Variants in CSNK2A1 observed in about 807,000 individuals in gnomAD.
The protein encoded by CSNK2A1 is casein kinase II subunit alpha.
A neutral mutation model predicts 62.9 loss-of-function variants in CSNK2A1; 10 were observed. The ratio of observed to expected loss-of-function variants is 0.16; its 90% CI spans 0.10 to 0.27. CSNK2A1 has a LOEUF of 0.27. CSNK2A1 is among the 10% of genes least tolerant of loss of function. The pLI, the probability that CSNK2A1 is intolerant of heterozygous loss-of-function variation, is 1.00. For missense variants in CSNK2A1, 160 were observed against 492.0 expected (o/e 0.33, Z 6.38); for synonymous variants, 124 against 167.8 (o/e 0.74, Z 2.02).
intron 2 of CSNK2A1, among the ~76,000 whole-genome samples, chr20:523,560 A>G (rs2018993462): frequency 6.6e-6 from 1 of 152,210 alleles, no homozygotes; most frequent in Non-Finnish European, 1.5e-5. Flanking sequence ...ATATTACATA[A>G]TGTTTGATTT....
chr20:511,974 C>CAA (rs2018731309), intron 2 of CSNK2A1, among the ~76,000 whole-genome samples: 1 of 152,188 alleles, frequency 6.6e-6, no homozygotes, highest in Non-Finnish European at 1.5e-5. Flanking sequence ...TCCTATACAG[C>CAA]AACTGTATCA....
At chr20:508,985 T>C (rs1269751542) in intron 2 of CSNK2A1, among the ~76,000 whole-genome samples, 1 of 152,246 alleles carries the variant, frequency 6.6e-6, no homozygotes, top group East Asian at 1.9e-4. Flanking sequence ...CCACTAGTTA[T>C]ATATTCTACA....
Position 499,876 on chromosome 20 carries a change from C to A in CSNK2A1, c.272G>T (p.Gly91Val). 7 of 1,613,582 alleles carry A rather than the reference C, an allele frequency of 4.3e-6. No individual in the cohort carries two copies. The highest frequency in any genetic ancestry group is 5.9e-6 in the Non-Finnish European group (7 of 1,179,956). Residue 91 changes from glycine (G) to valine (V), a missense_variant, in exon 5 of 14, where the codon GGT becomes GTT. Coordinates refer to ENST00000217244, the MANE Select transcript of CSNK2A1 (RefSeq NM_177559.3). This position sits in a 1 kb window ranked among gnomAD's most constrained non-coding sequence, Gnocchi z 4.2. The part of the protein sequence containing the change: ...EIKILENLRG[G>V]PNIITLADIV... ...GTCTGCCAGTGTGATGATGTTGGGACCTCCTCTCAAATTCTCCAAAATCTT... is the reference window on the plus strand; with the variant it reads ...GTCTGCCAGTGTGATGATGTTGGGAACTCCTCTCAAATTCTCCAAAATCTT...
intron 7 of CSNK2A1, chr20:496,157 T>G (rs1393820942): frequency 4.8e-6 from 1 of 206,808 alleles, no homozygotes; most frequent in East Asian, 1.1e-4. Flanking sequence ...ACTACAAACC[T>G]CTTATTCTAA....
At chr20:518,878 G>C (rs1317223726) in intron 2 of CSNK2A1, among the ~76,000 whole-genome samples, 1 of 149,932 alleles carries the variant, frequency 6.7e-6, no homozygotes, top group Non-Finnish European at 1.5e-5. Flanking sequence ...TAAATACAAT[G>C]TCCTAGCAGA....
chr20:526,940 ACT>A (rs2019103074), intron 2 of CSNK2A1: 1 of 151,022 alleles, frequency 6.6e-6, no homozygotes, highest in Non-Finnish European at 1.5e-5. Context: ...CGACAGTGAG[ACT>A]CTGTCTCAAA....
At chr20:488,554 CACTGGACCACTGACATCCTGACA>C (rs2018150245) in intron 11 of CSNK2A1, 101 bp downstream of exon 11, 1 of 912,774 alleles carries the variant, frequency 1.1e-6, no homozygotes, top group African/African-American at 1.7e-5. Flanking sequence ...CATCCTGTGG[CACTGGACCACTGACATCCTGACA>C]GTGCTGGCAA....
chr20:489,369 G>C (rs1303187253), intron 10 of CSNK2A1: 1 of 223,634 alleles, frequency 4.5e-6, no homozygotes, highest in Non-Finnish European at 8.7e-6. Flanking sequence ...TCTTGTGAAT[G>C]AAAGAGCCCT....
intron 13 of CSNK2A1, among the ~76,000 whole-genome samples, chr20:485,091 AAAAAAAAAAAAAAAAAAAATATATAT>A (rs1191878840): frequency 2.7e-5 from 1 of 37,320 alleles, no homozygotes; most frequent in Non-Finnish European, 5.2e-5. Context: ...AAAAAAAAAA[AAAAAAAAAAAAAAAAAAAATATATAT>A]ATATATATAT....
chr20:492,454 A>C, intron 8 of CSNK2A1, 90 bp from the exon 9 acceptor site: 1 of 1,278,852 alleles, frequency 7.8e-7, no homozygotes, highest in Non-Finnish European at 1.1e-6. Context: ...TATACCAGAC[A>C]CGTCACTCTT....
intron 2 of CSNK2A1, among the ~76,000 whole-genome samples, chr20:521,511 T>G (rs2018946312): frequency 6.6e-6 from 1 of 152,028 alleles, no homozygotes; most frequent in Non-Finnish European, 1.5e-5. Context: ...TCTTATAGAG[T>G]TAAACATGTA....
intron 1 of CSNK2A1, among the ~76,000 whole-genome samples, chr20:543,419 G>T (rs1334524922): frequency 6.6e-6 from 1 of 151,584 alleles, no homozygotes; most frequent in East Asian, 1.9e-4. Context: ...CAATAAGCTG[G>T]ACTCCGGCAG....
At position 499,107 on chromosome 20, in the gene CSNK2A1, T is replaced by C. The variant is rs1034082247; in HGVS notation, c.366+148A>G. 4 of 518,752 alleles carry C rather than the reference T, an allele frequency of 7.7e-6. No individual in the cohort carries two copies. The highest frequency in any genetic ancestry group is 4.2e-5 in the Admixed American group (1 of 23,650). The allele number at this position is 518,752 out of a possible 1,614,324, so 32.1% of individuals were successfully genotyped here. On this transcript the variant is annotated intron_variant, in intron 6 of 13. Coordinates refer to ENST00000217244, the MANE Select transcript of CSNK2A1 (RefSeq NM_177559.3). This position sits in a 1 kb window ranked among gnomAD's most constrained non-coding sequence, Gnocchi z 4.2. ...ATGCAGAAAGTGGGCACTGCTTATATAGGAGTTCTTCTATCTTAAAATTTG... is the reference window on the plus strand; with the variant it reads ...ATGCAGAAAGTGGGCACTGCTTATACAGGAGTTCTTCTATCTTAAAATTTG...
At chr20:528,291 G>A (rs1360570700) in intron 1 of CSNK2A1, among the ~76,000 whole-genome samples, 1 of 152,200 alleles carries the variant, frequency 6.6e-6, no homozygotes, top group African/African-American at 2.4e-5. Context: ...ATCTCCGCAG[G>A]TGATCAATAA....
At chr20:512,870 G>GCA (rs986243995) in intron 2 of CSNK2A1, among the ~76,000 whole-genome samples, 142 of 152,040 alleles carry the variant, frequency 9.3e-4, no homozygotes, top group African/African-American at 3.3e-3. Flanking sequence ...AACTGTAAAC[G>GCA]CACACACACA....
chr20:517,716 T>C (rs1600399759), intron 2 of CSNK2A1, among the ~76,000 whole-genome samples: 1 of 152,212 alleles, frequency 6.6e-6, no homozygotes, highest in South Asian at 2.1e-4. Flanking sequence ...TTTAAAGACC[T>C]ATAATTTTGC....
chr20:536,176 A>T (rs1263572676), intron 1 of CSNK2A1, among the ~76,000 whole-genome samples: 1 of 152,162 alleles, frequency 6.6e-6, no homozygotes, highest in East Asian at 1.9e-4. Flanking sequence ...AGCAATTCAT[A>T]CCTCACCCAC....
chr20:512,370 G>T (rs150412897), intron 2 of CSNK2A1, among the ~76,000 whole-genome samples: 1 of 152,112 alleles, frequency 6.6e-6, no homozygotes, highest in Non-Finnish European at 1.5e-5. Context: ...ATTCAAAGCT[G>T]TTGTCCATTT....
At chr20:505,904 TTG>T (rs1196462134) in intron 3 of CSNK2A1, 1 of 138,610 alleles carries the variant, frequency 7.2e-6, no homozygotes, top group African/African-American at 2.8e-5. Context: ...AGACGGAGTC[TTG>T]CTCTGTCGCC....
Sources: allele counts gnomAD v4.1 joint callset (sites outside exome capture counted in the v4.1 genomes callset), GRCh38; gene constraint gnomAD v4.1.1; non-coding constraint Gnocchi (gnomAD v3.1); transcripts MANE v1.5; gene names NCBI Gene and HGNC (gene_info 2026-07-23, HGNC 2026-07-21).